The following CNOT1 variants were observed in gnomAD, a reference collection of about 807,000 sequenced individuals.
CNOT1 encodes CCR4-associated factor 1.
Under a neutral mutation model 273.8 loss-of-function variants are expected in CNOT1, and 15 were observed. The ratio of observed to expected loss-of-function variants is 0.05; its 90% CI spans 0.04 to 0.08. CNOT1 has a LOEUF of 0.08. CNOT1 is among the 10% of genes least tolerant of loss of function. The pLI is 1.00. For missense variants in CNOT1, 1,644 were observed against 2,912.2 expected (o/e 0.56, Z 10.02); for synonymous variants, 1,022 against 1,005.5 (o/e 1.02, Z -0.31).
At chr16:58,590,833 AAAAAATACAATAAT>A (rs1448975731) in intron 2 of CNOT1, among the ~76,000 whole-genome samples, 1 of 152,230 alleles carries the variant, frequency 6.6e-6, no homozygotes, top group Non-Finnish European at 1.5e-5. Context: ...CTCACCCTTG[AAAAAATACAATAAT>A]CTGGTTCAAC....
intron 1 of CNOT1, among the ~76,000 whole-genome samples, chr16:58,627,205 G>A (rs548257342): frequency 1.7e-4 from 26 of 151,916 alleles, no homozygotes; most frequent in African/African-American, 5.8e-4. Flanking sequence ...TTAAGAGTTC[G>A]AGACCATCCT....
At chr16:58,588,360 T>C (rs112718584) in intron 3 of CNOT1, among the ~76,000 whole-genome samples, 1 of 149,430 alleles carries the variant, frequency 6.7e-6, no homozygotes, top group Non-Finnish European at 1.5e-5. Context: ...TAGAGTTTTT[T>C]AAAAAAAAAA....
In CNOT1 at chr16:58,555,885, C is replaced by T. The variant is rs2040612530; in HGVS notation, c.2503G>A (p.Glu835Lys). Residue 835 changes from glutamate (E) to lysine (K), a missense_variant, in exon 20 of 49, where the codon GAG becomes AAG. Physicochemically the swap from Glu to Lys is moderately conservative, Grantham distance 56 (BLOSUM62 1). Around this residue, in one of 13 missense-constraint regions of CNOT1, gnomAD observed 74 missense variants for 184.6 expected, o/e 0.40. Transcript: ENST00000317147. Reference sequence around the variant, plus strand: ...TCTTTACTAAAGTGCTGGTTTGCCTCTGGCCACACCTGAGACAAGTCCGCT... The same window carrying T: ...TCTTTACTAAAGTGCTGGTTTGCCTTTGGCCACACCTGAGACAAGTCCGCT... ...KPSDLSQVWP[E>K]ANQHFSKEID... 6.2e-7 allele frequency: 1 copy of T among 1,613,052 alleles called. No individual in the cohort carries two copies. The highest frequency in any genetic ancestry group is 8.5e-7 in the Non-Finnish European group (1 of 1,180,022).
chr16:58,557,250 AT>A (rs746935971), intron 18 of CNOT1, among the ~76,000 whole-genome samples: 9 of 152,218 alleles, frequency 5.9e-5, no homozygotes, highest in Non-Finnish European at 1.2e-4. Context: ...CAAAAAATTA[AT>A]GTATACATTC....
At chr16:58,551,995 C>T (rs766400704) in intron 22 of CNOT1, among the ~76,000 whole-genome samples, 176 bp from the exon 23 acceptor site, 8 of 152,196 alleles carry the variant, frequency 5.3e-5, no homozygotes, top group African/African-American at 9.6e-5. Flanking sequence ...TGAACTTCAG[C>T]GATAAAATCT....
chr16:58,587,812 A>G lies in CNOT1; in HGVS notation c.277T>C (p.Tyr93His). The change falls in exon 4 of 49, where the codon TAT (tyrosine) becomes CAT (histidine). Residue 93 changes from tyrosine to histidine, a missense_variant. Physicochemically the swap from Tyr to His is moderately conservative, Grantham distance 83. This residue lies in a region of CNOT1 where 706 missense variants were observed against 1,021.2 expected (regional missense o/e 0.69). Transcript: ENST00000317147. ...TKPNFISTLS[Y>H]AIDNPLHYQK... ...TAGTGCAATGGATTATCAATGGCATAGGACAGCGTCGAGATAAAATTTGGC... is the reference window on the plus strand; with the variant it reads ...TAGTGCAATGGATTATCAATGGCATGGGACAGCGTCGAGATAAAATTTGGC... 6.2e-7 allele frequency: 1 copy of G among 1,613,970 alleles called. No homozygotes were observed. Among genetic ancestry groups the G allele is most frequent in the Non-Finnish European group, 8.5e-7 (1 of 1,180,008 alleles).
intron 25 of CNOT1, among the ~76,000 whole-genome samples, chr16:58,549,125 C>A (rs2040361545): frequency 2.6e-5 from 4 of 151,972 alleles, no homozygotes; most frequent in Admixed American, 6.6e-5. Flanking sequence ...CCCGTCTCTA[C>A]TAAAAATATA....
intron 1 of CNOT1, among the ~76,000 whole-genome samples, chr16:58,622,740 G>A (rs528525552): frequency 2.1e-4 from 31 of 151,082 alleles, no homozygotes; most frequent in East Asian, 1.4e-3. Context: ...CCACCTACTC[G>A]GGAGGCTGAG....
At chr16:58,523,646 A>G in intron 46 of CNOT1, 144 bp from the exon 47 acceptor site, 1 of 609,194 alleles carries the variant, frequency 1.6e-6, no homozygotes, top group Non-Finnish European at 2.8e-6. Context: ...GACCCCAAAG[A>G]GTTCTCATTT....
chr16:58,623,624 T>C (rs1313013351), intron 1 of CNOT1, among the ~76,000 whole-genome samples: 2 of 152,158 alleles, frequency 1.3e-5, no homozygotes, highest in Admixed American at 6.6e-5. Context: ...GGGGAGGGCA[T>C]GGAAGCTCCG....
At chr16:58,549,054 C>T (rs927023915) in intron 25 of CNOT1, among the ~76,000 whole-genome samples, 5 of 152,044 alleles carry the variant, frequency 3.3e-5, no homozygotes, top group East Asian at 3.9e-4. Context: ...TCTGGGAGGC[C>T]GAGGAGGGTG....
intron 17 of CNOT1, 36 bp from the exon 18 acceptor site, chr16:58,558,710 C>A (rs1438446103): frequency 1.3e-6 from 2 of 1,591,064 alleles, no homozygotes; most frequent in South Asian, 2.3e-5. Flanking sequence ...ATTAAACATA[C>A]TTCGAGGAAA....
intron 40 of CNOT1, 91 bp from the exon 41 acceptor site, chr16:58,532,486 C>G (rs1220624250): frequency 6.6e-7 from 1 of 1,524,164 alleles, no homozygotes; most frequent in Non-Finnish European, 8.8e-7. Flanking sequence ...CATTCTTAAA[C>G]CCAACATTAA....
At chr16:58,596,281 G>A (rs189227514) in intron 2 of CNOT1, among the ~76,000 whole-genome samples, 48 of 152,076 alleles carry the variant, frequency 3.2e-4, no homozygotes, top group African/African-American at 1.1e-3. Flanking sequence ...CAGCATCCAG[G>A]AGGCACTCTG....
intron 46 of CNOT1, among the ~76,000 whole-genome samples, chr16:58,524,249 C>CAA (rs35148544): frequency 0.073 from 5,917 of 81,498 alleles, 289 homozygotes; most frequent in Middle Eastern, 0.1. Flanking sequence ...GACTCTATCG[C>CAA]AAAAAAAAAA....
chr16:58,538,306 C>T, intron 36 of CNOT1, 40 bp from the exon 37 acceptor site: 1 of 886,522 alleles, frequency 1.1e-6, no homozygotes, highest in Admixed American at 1.7e-5. Context: ...TAGGCTTAAC[C>T]ATACTGTAAA....
intron 47 of CNOT1, among the ~76,000 whole-genome samples, chr16:58,521,950 CA>C (rs946488695): frequency 1.4e-4 from 22 of 151,968 alleles, no homozygotes; most frequent in African/African-American, 4.8e-4. Flanking sequence ...GACCCTGTCT[CA>C]AATAAACAGA....
At chr16:58,604,621 T>TG (rs1188507721) in intron 1 of CNOT1, among the ~76,000 whole-genome samples, 1,638 of 120,840 alleles carry the variant, frequency 0.014, 20 homozygotes, top group Non-Finnish European at 0.021. Context: ...ATCTCTGCTA[T>TG]AAAAAAAAAA....
intron 45 of CNOT1, 91 bp from the exon 46 acceptor site, chr16:58,525,450 T>C (rs1315082793): frequency 6.5e-5 from 69 of 1,064,692 alleles, no homozygotes; most frequent in Non-Finnish European, 9.0e-5. Context: ...TACACCTTCA[T>C]GGAAAGGCCA....
Sources: allele counts gnomAD v4.1 joint callset (sites outside exome capture counted in the v4.1 genomes callset), GRCh38; gene constraint gnomAD v4.1.1; regional missense constraint gnomAD v4.1.1; transcripts MANE v1.5; gene names NCBI Gene and HGNC (gene_info 2026-07-23, HGNC 2026-07-21).